The following FRMPD4 variants were observed in gnomAD, a reference collection of about 807,000 sequenced individuals.
FRMPD4 encodes FERM and PDZ domain-containing protein 4.
Under a neutral mutation model 94.1 loss-of-function variants are expected in FRMPD4, and 22 were observed. The ratio of observed to expected loss-of-function variants is 0.23; its 90% CI spans 0.17 to 0.33. The LOEUF (loss-of-function observed/expected upper bound fraction) is 0.33. Ranked by LOEUF, FRMPD4 falls within the 10% of genes least tolerant of loss-of-function variation. FRMPD4 has a pLI of 1.00. For missense variants in FRMPD4, 1,111 were observed against 1,339.9 expected (o/e 0.83, Z 2.67); for synonymous variants, 631 against 548.6 (o/e 1.15, Z -2.10).
chrX:12,481,388 C>A, intron 1 of FRMPD4, among the ~76,000 whole-genome samples: 1 of 111,056 alleles, frequency 9.0e-6, no homozygotes, highest in Non-Finnish European at 1.9e-5. Flanking sequence ...CACATCAGAC[C>A]CACCCTGTAA....
At position 12,718,382 on chromosome X, in the gene FRMPD4, A is replaced by T. The variant is rs1166621119; in HGVS notation, c.3556A>T (p.Ser1186Cys). Residue 1186 changes from serine (S) to cysteine (C), a missense_variant, in exon 16 of 17, where the codon AGT becomes TGT. Transcript: ENST00000675598. ...HPSKLPEADE[S>C]VARLCDYHLA... is the part of the protein sequence containing the mutation. ...TTCCAAGCTTCCTGAGGCTGATGAG[A>T]GTGTGGCCCGCCTTTGTGACTACCA... 2.5e-6 allele frequency: 3 copies of T among 1,211,417 alleles called. No individual in the cohort carries two copies. The highest frequency in any genetic ancestry group is 4.3e-5 in the Admixed American group (2 of 46,084).
chrX:11,962,610 A>G (rs1041455999), intron 3 of FRMPD4, among the ~76,000 whole-genome samples: 7 of 112,092 alleles, frequency 6.2e-5, no homozygotes, highest in African/African-American at 2.3e-4. Context: ...GTGATGAAGC[A>G]TTACTGAGGT....
At chrX:12,429,754 A>T (rs1269159936) in intron 1 of FRMPD4, among the ~76,000 whole-genome samples, 1 of 112,187 alleles carries the variant, frequency 8.9e-6, no homozygotes, top group Non-Finnish European at 1.9e-5. Context: ...CCCTTCCAAA[A>T]TTCAGGTGTT....
intron 3 of FRMPD4, among the ~76,000 whole-genome samples, chrX:11,996,741 C>A (rs1464029252): frequency 9.0e-6 from 1 of 111,707 alleles, no homozygotes; most frequent in Non-Finnish European, 1.9e-5. Flanking sequence ...TATGTTTAGT[C>A]ATTCTGCAAA....
At chrX:12,713,426 C>T (rs1209757556) in intron 14 of FRMPD4, among the ~76,000 whole-genome samples, 4 of 110,682 alleles carry the variant, frequency 3.6e-5, no homozygotes, top group Non-Finnish European at 5.7e-5. Flanking sequence ...ACCATCATTT[C>T]TCCCGGTTTC....
rs1406531085 is a variant in FRMPD4, at chrX:12,099,077, G to A, written c.95+221059G>A. 4.0e-5 allele frequency among the ~76,000 whole-genome samples: 3 copies of A among 74,262 alleles called. No homozygotes were observed. In the Admixed American group the frequency reaches 4.6e-4, roughly 11 times the overall value. 64.5% of individuals were successfully genotyped at this position (74,262 alleles called of 115,157 possible). A position where few individuals can be genotyped will look rare whatever the true frequency, so the allele number is the denominator to read the frequency against. ...GGGGACTGTTGTGGGGTGGGGGGAG[G>A]GGGGAGGGGGGAGGGATAGCACTGG... On this transcript the variant is annotated intron_variant, in intron 3 of 18. Transcript: ENST00000640291.
intron 3 of FRMPD4, among the ~76,000 whole-genome samples, chrX:12,092,333 T>G (rs1198001361): frequency 5.3e-5 from 6 of 112,519 alleles, no homozygotes; most frequent in Non-Finnish European, 1.1e-4. Context: ...ATAGTTTTTG[T>G]GAGGATCTTG....
chrX:12,434,775 G>A (rs2057046449), intron 1 of FRMPD4, among the ~76,000 whole-genome samples: 1 of 112,668 alleles, frequency 8.9e-6, no homozygotes, highest in African/African-American at 3.2e-5. Context: ...AGTGCAGGAG[G>A]CACAGAATGG....
At chrX:12,191,431 A>G (rs2056490806) in intron 1 of FRMPD4, among the ~76,000 whole-genome samples, 1 of 112,253 alleles carries the variant, frequency 8.9e-6, no homozygotes, top group Non-Finnish European at 1.9e-5. Context: ...GTGTCCAAAC[A>G]AAAGCCCGCA....
intron 1 of FRMPD4, among the ~76,000 whole-genome samples, chrX:12,318,382 G>A (rs946044256): frequency 9.0e-5 from 10 of 111,514 alleles, no homozygotes; most frequent in Admixed American, 8.6e-4. Context: ...AAAATTAGCC[G>A]AGTGTGGTGG....
chrX:12,605,249 G>C, intron 2 of FRMPD4, among the ~76,000 whole-genome samples: 1 of 112,143 alleles, frequency 8.9e-6, no homozygotes. Flanking sequence ...CTCCCATAAT[G>C]TGGACACATC....
intron 1 of FRMPD4, among the ~76,000 whole-genome samples, chrX:11,835,837 A>G (rs962023322): frequency 2.7e-5 from 3 of 112,055 alleles, no homozygotes; most frequent in African/African-American, 9.7e-5. Context: ...GGTATTTTTA[A>G]AAGGCCCCCT....
chrX:12,176,624 C>T (rs1190223542), intron 1 of FRMPD4, among the ~76,000 whole-genome samples: 1 of 112,073 alleles, frequency 8.9e-6, no homozygotes, highest in African/African-American at 3.2e-5. Context: ...TATTTTAGGA[C>T]AATGATTAAT....
chrX:12,094,526 G>GA (rs2055182175), intron 3 of FRMPD4, among the ~76,000 whole-genome samples: 2 of 112,089 alleles, frequency 1.8e-5, no homozygotes, highest in South Asian at 7.5e-4. Flanking sequence ...TCCATGGGCT[G>GA]CCAACTTTTT....
chrX:12,512,590 T>C (rs1310463156), intron 2 of FRMPD4, among the ~76,000 whole-genome samples: 1 of 112,918 alleles, frequency 8.9e-6, no homozygotes, highest in Non-Finnish European at 1.9e-5. Context: ...CTGTGGTGTA[T>C]ATGTACCACA....
At chrX:12,507,890 A>G (rs772316010) in intron 2 of FRMPD4, among the ~76,000 whole-genome samples, 1 of 111,745 alleles carries the variant, frequency 8.9e-6, no homozygotes, top group Non-Finnish European at 1.9e-5. Context: ...CTGCTAATCA[A>G]TCACAGGGTT....
intron 4 of FRMPD4, among the ~76,000 whole-genome samples, chrX:12,615,960 G>A (rs1199732551): frequency 9.0e-6 from 1 of 111,067 alleles, no homozygotes; most frequent in Non-Finnish European, 1.9e-5. Context: ...GTTCTGGAGG[G>A]TCAAGCACTC....
chrX:12,495,384 T>C (rs1380226157), intron 1 of FRMPD4, among the ~76,000 whole-genome samples: 2 of 111,799 alleles, frequency 1.8e-5, no homozygotes, highest in Non-Finnish European at 3.8e-5. Flanking sequence ...TACCAAGGAG[T>C]AGCTGGAACT....
At chrX:12,108,296 A>G (rs57145329) in intron 3 of FRMPD4, among the ~76,000 whole-genome samples, 6,402 of 111,389 alleles carry the variant, frequency 0.057, 458 homozygotes, top group African/African-American at 0.2. Context: ...AGAATTTTCA[A>G]CCCAGAATTT....
Sources: allele counts gnomAD v4.1 joint callset (sites outside exome capture counted in the v4.1 genomes callset), GRCh38; gene constraint gnomAD v4.1.1; transcripts MANE v1.5; gene names NCBI Gene and HGNC (gene_info 2026-07-23, HGNC 2026-07-21).